The following STPG2 variants were observed in gnomAD, a reference collection of about 807,000 sequenced individuals.
The protein encoded by STPG2 is sperm tail PG-rich repeat containing 2, also known as sperm-tail PG-rich repeat-containing protein 2.
Under a neutral mutation model 54.2 loss-of-function variants are expected in STPG2, and 56 were observed. The observed-to-expected ratio is 1.03, with a 90% CI of 0.83 to 1.29. The LOEUF (loss-of-function observed/expected upper bound fraction) is 1.29. STPG2 is among the 50% of genes most tolerant of loss of function. The probability of loss-of-function intolerance (pLI) is 0.00; values close to 1 mark genes in which losing one functional copy is unlikely to be tolerated. For missense variants in STPG2, 596 were observed against 544.9 expected (o/e 1.09, Z -0.93); for synonymous variants, 200 against 181.8 (o/e 1.10, Z -0.81).
chr4:97,928,425 G>C (rs1254663933), intron 8 of STPG2, among the ~76,000 whole-genome samples: 1 of 152,132 alleles, frequency 6.6e-6, no homozygotes, highest in South Asian at 2.1e-4. Context: ...GTACATCATA[G>C]TGCCATTCCA....
chr4:97,862,212 A>G (rs1176935894), intron 8 of STPG2, among the ~76,000 whole-genome samples: 10 of 151,484 alleles, frequency 6.6e-5, no homozygotes, highest in African/African-American at 2.4e-4. Flanking sequence ...GTGTGTGTGC[A>G]GAGACACACA....
At chr4:97,932,536 G>A (rs1175104303) in intron 8 of STPG2, among the ~76,000 whole-genome samples, 1 of 151,916 alleles carries the variant, frequency 6.6e-6, no homozygotes, top group African/African-American at 2.4e-5. Context: ...CCCCAAACAG[G>A]CCCCAGTGTG....
chr4:97,513,493 T>C (rs1007074891), intron 4 of STPG2, among the ~76,000 whole-genome samples: 1 of 152,026 alleles, frequency 6.6e-6, no homozygotes. Context: ...GCCCCCATCC[T>C]GAAGCTATCT....
intron 8 of STPG2, among the ~76,000 whole-genome samples, chr4:97,861,775 C>T (rs1267790895): frequency 1.3e-5 from 2 of 152,218 alleles, no homozygotes; most frequent in African/African-American, 4.8e-5. Flanking sequence ...ATTCAACGTT[C>T]TTAAAGAGAA....
intron 5 of STPG2, among the ~76,000 whole-genome samples, chr4:98,034,447 G>C (rs1006163678): frequency 2.6e-5 from 4 of 152,138 alleles, no homozygotes; most frequent in South Asian, 2.1e-4. Context: ...GGAAATAAGA[G>C]AGGACACAAA....
At chr4:97,483,157 CA>C (rs981436770) in intron 4 of STPG2, among the ~76,000 whole-genome samples, 1 of 151,262 alleles carries the variant, frequency 6.6e-6, no homozygotes, top group African/African-American at 2.4e-5. Context: ...ATTTGAAAAG[CA>C]AAAACAGAAA....
rs191998408 is a variant in STPG2, at chr4:97,738,890, C to T, written c.1205-26076G>A. 4.6e-3 allele frequency among the ~76,000 whole-genome samples: 699 copies of T among 152,206 alleles called. 2 individuals carry two copies. The highest frequency in any genetic ancestry group is 0.016 in the African/African-American group (662 of 41,524). On this transcript the variant is annotated intron_variant, in intron 9 of 10. Transcript: ENST00000295268. ...ATAGACATCTACAGAACTCTCCACC[C>T]CAAATCAACAGAATATACATTTTTT...
chr4:97,700,791 C>T (rs765905620), intron 10 of STPG2, among the ~76,000 whole-genome samples: 6 of 152,216 alleles, frequency 3.9e-5, no homozygotes, highest in Non-Finnish European at 8.8e-5. Context: ...CAGCTGAAGG[C>T]AAATTGCTTC....
intron 10 of STPG2, among the ~76,000 whole-genome samples, chr4:97,686,272 G>T (rs1578479521): frequency 7.6e-6 from 1 of 132,120 alleles, no homozygotes; most frequent in Non-Finnish European, 1.7e-5. Flanking sequence ...CTCTCTCTCT[G>T]TCTTTCATAT....
At chr4:97,966,070 T>C (rs1372526500) in intron 7 of STPG2, among the ~76,000 whole-genome samples, 4 of 152,066 alleles carry the variant, frequency 2.6e-5, no homozygotes, top group Non-Finnish European at 5.9e-5. Flanking sequence ...GAATCAGTAA[T>C]GAGCTTCTCC....
intron 9 of STPG2, among the ~76,000 whole-genome samples, chr4:97,800,647 G>A (rs1727362172): frequency 6.6e-6 from 1 of 152,174 alleles, no homozygotes; most frequent in Non-Finnish European, 1.5e-5. Context: ...ACTTGAGGAG[G>A]CAGTCTGTCC....
At chr4:97,871,070 G>A (rs1301603500) in intron 8 of STPG2, among the ~76,000 whole-genome samples, 1 of 150,930 alleles carries the variant, frequency 6.6e-6, no homozygotes, top group Non-Finnish European at 1.5e-5. Flanking sequence ...AATAGCTCGA[G>A]TGAAAATGAA....
chr4:97,689,081 C>G (rs1356374871), intron 10 of STPG2, among the ~76,000 whole-genome samples: 1 of 152,096 alleles, frequency 6.6e-6, no homozygotes, highest in Non-Finnish European at 1.5e-5. Context: ...CTACATACAA[C>G]TGAATGTGCT....
intron 10 of STPG2, among the ~76,000 whole-genome samples, chr4:97,598,127 C>A (rs367685650): frequency 1.2e-4 from 18 of 152,096 alleles, no homozygotes; most frequent in Non-Finnish European, 1.8e-4. Flanking sequence ...ATAATGCAAT[C>A]CCATTCACAA....
intron 6 of STPG2, among the ~76,000 whole-genome samples, chr4:97,979,587 T>C (rs537983719): frequency 6.6e-6 from 1 of 152,246 alleles, no homozygotes; most frequent in South Asian, 2.1e-4. Flanking sequence ...TATACCTGAC[T>C]TAGATGACAA....
chr4:98,077,516 A>G (rs28415600), intron 5 of STPG2, among the ~76,000 whole-genome samples: 60,176 of 152,062 alleles, frequency 0.4, 12,153 homozygotes, highest in Middle Eastern at 0.46. Context: ...GATTACAGGC[A>G]TGAGCCACCA....
At chr4:97,860,456 T>C (rs1264472363) in intron 8 of STPG2, among the ~76,000 whole-genome samples, 1 of 150,818 alleles carries the variant, frequency 6.6e-6, no homozygotes, top group Non-Finnish European at 1.5e-5. Context: ...CTTGGTCAGG[T>C]ATATTCCTAA....
intron 4 of STPG2, among the ~76,000 whole-genome samples, chr4:97,505,551 C>T (rs1392355256): frequency 6.6e-6 from 1 of 151,810 alleles, no homozygotes; most frequent in Non-Finnish European, 1.5e-5. Context: ...ATGCAAAGTT[C>T]CTAAGTTCTC....
chr4:97,886,324 T>TA lies in STPG2; in HGVS notation c.1045-45393dup, dbSNP rs1469752790. On this transcript the variant is annotated intron_variant, in intron 8 of 10. Coordinates refer to ENST00000295268, the MANE Select transcript of STPG2 (RefSeq NM_174952.3). ...ATTTGACTTTTCAACAGTAATGCTT[T>TA]ATGCCAGTAGAAAACAGACTAACTA... Among the ~76,000 whole-genome samples, 7 of 152,334 alleles carry TA rather than the reference T, an allele frequency of 4.6e-5. No homozygotes were observed. The East Asian group carries it at 1.3e-3, about 29-fold the overall frequency.
Sources: allele counts gnomAD v4.1 joint callset (sites outside exome capture counted in the v4.1 genomes callset), GRCh38; gene constraint gnomAD v4.1.1; transcripts MANE v1.5; gene names NCBI Gene and HGNC (gene_info 2026-07-23, HGNC 2026-07-21).